The following NFIX variants were observed in gnomAD, a reference collection of about 807,000 sequenced individuals.
The protein encoded by NFIX is nuclear factor 1 X-type.
A neutral mutation model predicts 53.3 loss-of-function variants in NFIX; 2 were observed. The observed-to-expected ratio is 0.04, with a 90% CI of 0.02 to 0.12. The LOEUF (loss-of-function observed/expected upper bound fraction) is 0.12. Among genes scored for constraint, NFIX ranks in the 10% least tolerant of loss-of-function variants. The pLI is 1.00. For missense variants in NFIX, 310 were observed against 674.5 expected, an observed-to-expected ratio of 0.46 and a Z score of 5.99; for synonymous variants, 244 against 289.0, an observed-to-expected ratio of 0.84 and a Z score of 1.58.
intron 10 of NFIX, among the ~76,000 whole-genome samples, chr19:13,092,127 G>A (rs996760338): frequency 1.3e-5 from 2 of 152,190 alleles, no homozygotes; most frequent in African/African-American, 4.8e-5. Flanking sequence ...GGCGGGCGCA[G>A]GGGGTACAGC....
intron 1 of NFIX, among the ~76,000 whole-genome samples, chr19:13,016,446 A>G (rs573711893): frequency 2.0e-5 from 3 of 152,168 alleles, no homozygotes; most frequent in Non-Finnish European, 2.9e-5. Context: ...GGTGAGGAGT[A>G]AGTTACTTGC....
In NFIX at chr19:12,996,635, C is replaced by T. The variant is rs2011478107; in HGVS notation, c.27+771C>T. Among the ~76,000 whole-genome samples, 1 of 152,168 alleles carries T rather than the reference C, an allele frequency of 6.6e-6. No homozygotes were observed. The highest frequency in any genetic ancestry group is 1.5e-5 in the Non-Finnish European group (1 of 68,018). On this transcript the variant is annotated intron_variant, in intron 1 of 10. Transcript: ENST00000592199. The surrounding 1 kb of genome is among the most constrained non-coding windows in gnomAD (Gnocchi z 5.2). ...TTTCCTCGGCGCAAACTTTCTGGCC[C>T]CAGCGACCCGGGCTGCTGCGGAGTG...
At position 13,082,970 on chromosome 19, in the gene NFIX, C is replaced by T. The variant is rs145636416; in HGVS notation, c.1254+1115C>T. 1.6e-3 allele frequency among the ~76,000 whole-genome samples: 247 copies of T among 152,296 alleles called. 4 individuals carry two copies. The South Asian group carries it at 0.041, about 25-fold the overall frequency. Reference sequence around the variant, plus strand: ...TAAGTGCTGGTGTATTGATTTGCGGCGGGGCCGTGGCTCCGCCTCCTCACT... The same window carrying T: ...TAAGTGCTGGTGTATTGATTTGCGGTGGGGCCGTGGCTCCGCCTCCTCACT... On this transcript the variant is annotated intron_variant, in intron 8 of 10. Coordinates refer to ENST00000592199, the MANE Select transcript of NFIX (RefSeq NM_001365902.3).
intron 2 of NFIX, among the ~76,000 whole-genome samples, chr19:13,058,208 C>T (rs960543724): frequency 6.6e-6 from 1 of 152,078 alleles, no homozygotes; most frequent in African/African-American, 2.4e-5. Flanking sequence ...TTCCACCAGG[C>T]TCCAGGGGCT....
In NFIX at chr19:13,040,837, T is replaced by C. The variant is rs2014569890; in HGVS notation, c.559+15285T>C. Among the ~76,000 whole-genome samples the C allele has an allele frequency of 6.6e-6, 1 of 152,210 alleles. No individual in the cohort carries two copies. On this transcript the variant is annotated intron_variant, in intron 2 of 10. Transcript: ENST00000592199. The surrounding 1 kb of genome is among the most constrained non-coding windows in gnomAD (Gnocchi z 4.2). ...TCTGCTGCCGCTGCTGTACCTTTGCTTGCCTCGGATCTTAGAACTGTTTCC... is the reference window on the plus strand; with the variant it reads ...TCTGCTGCCGCTGCTGTACCTTTGCCTGCCTCGGATCTTAGAACTGTTTCC...
chr19:13,055,867 C>T (rs957197337), intron 2 of NFIX, among the ~76,000 whole-genome samples: 4 of 152,188 alleles, frequency 2.6e-5, no homozygotes, highest in Non-Finnish European at 1.5e-5. Context: ...CTCATCTCAC[C>T]TCGCGCCTCC....
chr19:13,047,124 C>T (rs968035691), intron 2 of NFIX, among the ~76,000 whole-genome samples: 2 of 152,100 alleles, frequency 1.3e-5, no homozygotes, highest in African/African-American at 4.8e-5. Context: ...CAACGATGAG[C>T]CTTGGATTCT....
At chr19:13,020,076 G>A (rs1189868668) in intron 1 of NFIX, among the ~76,000 whole-genome samples, 3 of 151,984 alleles carry the variant, frequency 2.0e-5, no homozygotes, top group African/African-American at 4.8e-5. Context: ...ACTCAGACCT[G>A]GAGAAGCCTT....
intron 8 of NFIX, among the ~76,000 whole-genome samples, chr19:13,084,115 T>A (rs1050836525): frequency 6.6e-6 from 1 of 152,220 alleles, no homozygotes; most frequent in South Asian, 2.1e-4. Flanking sequence ...GAATCAGAAG[T>A]CACAGATCAG....
rs941185921 is a variant in NFIX at position 13,073,878 on chromosome 19, A to G, written c.698-28A>G. 3.7e-6 allele frequency: 6 copies of G among 1,613,658 alleles called. No homozygotes were observed. The highest frequency in any genetic ancestry group is 1.7e-6 in the Non-Finnish European group (2 of 1,179,840). The stretch of plus-strand genomic sequence containing the variant: ...CCCATCAGGCCTCCCCCCACCTCCA[A>G]ACCTCATCACCCTCTCGTTCTTCCC... On this transcript the variant is annotated intron_variant, in intron 4 of 10. Transcript: ENST00000592199. This position sits in a 1 kb window ranked among gnomAD's most constrained non-coding sequence, Gnocchi z 4.5.
Position 13,096,485 on chromosome 19 carries a change from G to A in NFIX, c.*1836G>A, listed in dbSNP as rs1012156455. ...CTGGCTCCAGGGGCGGCTTTTGTTG[G>A]AAGTTGAGTGAAGCCCTCCCCCTGT... On this transcript the variant is annotated 3_prime_UTR_variant, in exon 11 of 11. Transcript: ENST00000592199. 6.6e-6 allele frequency: 1 copy of A among 152,134 alleles called. No homozygotes were observed. Among genetic ancestry groups the A allele is most frequent in the Non-Finnish European group, 1.5e-5 (1 of 68,046 alleles). The allele number at this position is 152,134 out of a possible 1,614,324, so 9.4% of individuals were successfully genotyped here. A position where few individuals can be genotyped will look rare whatever the true frequency, so the allele number is the denominator to read the frequency against.
At chr19:13,075,130 G>GCATTTTTGTCCCCCTGA (rs1014387686) in intron 5 of NFIX, among the ~76,000 whole-genome samples, 7 of 150,534 alleles carry the variant, frequency 4.7e-5, no homozygotes, top group African/African-American at 7.4e-5. Flanking sequence ...GAGTTTTATG[G>GCATTTTTGTCCCCCTGA]CATTTTTGTC....
At position 12,998,849 on chromosome 19, in the gene NFIX, GAC is replaced by G. The variant is rs958986638; in HGVS notation, c.27+2989_27+2990del. 6.6e-6 allele frequency among the ~76,000 whole-genome samples: 1 copy of G among 152,126 alleles called. No homozygotes were observed. Among genetic ancestry groups the G allele is most frequent in the Non-Finnish European group, 1.5e-5 (1 of 68,030 alleles). On this transcript the variant is annotated intron_variant, in intron 1 of 10. Transcript: ENST00000592199. This position sits in a 1 kb window ranked among gnomAD's most constrained non-coding sequence, Gnocchi z 4.4. ...ACACGTATATTGGTGTAGGCTTAGC[GAC>G]ACAGCAGTACCTCTTTGACGCACGT...
chr19:13,035,477 C>G (rs1436110087), intron 2 of NFIX, among the ~76,000 whole-genome samples: 1 of 152,180 alleles, frequency 6.6e-6, no homozygotes, highest in African/African-American at 2.4e-5. Context: ...TGTGCAGCAA[C>G]CGGTAATCCT....
At chr19:13,026,996 G>C (rs1040628962) in intron 2 of NFIX, among the ~76,000 whole-genome samples, 6 of 152,196 alleles carry the variant, frequency 3.9e-5, no homozygotes, top group African/African-American at 1.4e-4. Context: ...GATATAACTG[G>C]ATCCAGAAAT....
At position 13,093,767 on chromosome 19, in the gene NFIX, C is replaced by CT. The variant is rs142653023; in HGVS notation, c.1495-867dup. On this transcript the variant is annotated intron_variant, in intron 10 of 10. Transcript: ENST00000592199. This position sits in a 1 kb window ranked among gnomAD's most constrained non-coding sequence, Gnocchi z 4.7. ...GGACCCTCATTTTGCCCCAACGGTA[C>CT]TACCAGGTGCACCCAGGCCCAGTAG... is the stretch of plus-strand genomic sequence containing the variant. 2.7e-3 allele frequency among the ~76,000 whole-genome samples: 407 copies of CT among 152,290 alleles called. 6 individuals are homozygous for CT. Among genetic ancestry groups the CT allele is most frequent in the African/African-American group, 9.6e-3 (397 of 41,554 alleles).
chr19:13,043,509 C>T lies in NFIX; in HGVS notation c.559+17957C>T, dbSNP rs1307997288. ...CCTGAGGAAGCAGCTGCTGCTGACA[C>T]CTGAGGCCAGCTGCGCAGTCTGCCA... is the stretch of plus-strand genomic sequence containing the variant. On this transcript the variant is annotated intron_variant, in intron 2 of 10. Transcript: ENST00000592199. The surrounding 1 kb of genome is among the most constrained non-coding windows in gnomAD (Gnocchi z 4.0). 1.3e-5 allele frequency among the ~76,000 whole-genome samples: 2 copies of T among 152,224 alleles called. No individual in the cohort carries two copies. The highest frequency in any genetic ancestry group is 2.4e-5 in the African/African-American group (1 of 41,456).
intron 1 of NFIX, among the ~76,000 whole-genome samples, chr19:13,023,640 T>C (rs919254044): frequency 3.4e-5 from 5 of 147,380 alleles, no homozygotes; most frequent in African/African-American, 9.8e-5. Context: ...CTTTTTTTTT[T>C]TTTTTAAACT....
chr19:13,019,571 C>CT (rs1053852316), intron 1 of NFIX, among the ~76,000 whole-genome samples: 2 of 151,936 alleles, frequency 1.3e-5, no homozygotes, highest in Non-Finnish European at 1.5e-5. Context: ...GCTTTTTTCT[C>CT]TTTTTTCGTT....
Sources: allele counts gnomAD v4.1 joint callset (sites outside exome capture counted in the v4.1 genomes callset), GRCh38; gene constraint gnomAD v4.1.1; non-coding constraint Gnocchi (gnomAD v3.1); transcripts MANE v1.5; gene names NCBI Gene and HGNC (gene_info 2026-07-23, HGNC 2026-07-21).